Variants in KIF2A observed in about 807,000 individuals in gnomAD.
KIF2A encodes kinesin family member 2A.
In KIF2A, 22 loss-of-function variants were observed where a neutral mutation model predicts 100.2. The observed-to-expected ratio is 0.22, with a 90% CI of 0.16 to 0.31. The LOEUF (loss-of-function observed/expected upper bound fraction) is 0.31. Ranked by LOEUF, KIF2A falls within the 10% of genes least tolerant of loss-of-function variation. The pLI, the probability that KIF2A is intolerant of heterozygous loss-of-function variation, is 1.00. For missense variants in KIF2A, 495 were observed against 898.7 expected (o/e 0.55, Z 5.74); for synonymous variants, 268 against 285.9 (o/e 0.94, Z 0.63).
At chr5:62,378,181 G>A (rs1342565874) in intron 19 of KIF2A, among the ~76,000 whole-genome samples, 1 of 152,202 alleles carries the variant, frequency 6.6e-6, no homozygotes, top group African/African-American at 2.4e-5. Flanking sequence ...GAGATGGAGA[G>A]TTACTGCTCT....
Position 62,372,496 on chromosome 5 carries a change from C to T in KIF2A, c.1705C>T (p.Arg569Cys), listed in dbSNP as rs969295324. The T allele has an allele frequency of 3.1e-6, 5 of 1,612,968 alleles. No individual in the cohort carries two copies. The highest frequency in any genetic ancestry group is 2.2e-5 in the East Asian group (1 of 44,862). ...TCCCTTCTCACAGGGTAGTGGCAGTCGCCCTGATCTCTCTCCTTCTTATGA... is the reference window on the plus strand; with the variant it reads ...TCCCTTCTCACAGGGTAGTGGCAGTTGCCCTGATCTCTCTCCTTCTTATGA... The part of the protein sequence containing the change: ...DIPFSQGSGS[R>C]PDLSPSYEYD... The change falls in exon 17 of 21, where the codon CGC becomes TGC. Residue 569 changes from arginine to cysteine, a missense_variant. Physicochemically the swap from Arg to Cys is radical, Grantham distance 180 (BLOSUM62 -3). This residue lies in a region of KIF2A where 100 missense variants were observed against 138.2 expected (regional missense o/e 0.72). Coordinates refer to ENST00000407818, the MANE Select transcript of KIF2A (RefSeq NM_001098511.3).
chr5:62,314,108 A>T (rs564679212), intron 1 of KIF2A, among the ~76,000 whole-genome samples: 12 of 152,112 alleles, frequency 7.9e-5, no homozygotes, highest in Non-Finnish European at 1.0e-4. Flanking sequence ...ATTCAATTTA[A>T]AGTTTTTGGC....
At chr5:62,355,311 G>T in intron 7 of KIF2A, 57 bp downstream of exon 7, 1 of 861,544 alleles carries the variant, frequency 1.2e-6, no homozygotes, top group South Asian at 1.5e-5. Flanking sequence ...ATAAAAACGT[G>T]TTTGACACTT....
At chr5:62,353,548 A>G (rs1747957512) in intron 6 of KIF2A, among the ~76,000 whole-genome samples, 173 bp downstream of exon 6, 1 of 152,150 alleles carries the variant, frequency 6.6e-6, no homozygotes, top group Non-Finnish European at 1.5e-5. Flanking sequence ...AGTTACCGTA[A>G]CACATTTTTA....
At chr5:62,352,122 C>T (rs1747883757) in intron 4 of KIF2A, among the ~76,000 whole-genome samples, 1 of 142,074 alleles carries the variant, frequency 7.0e-6, no homozygotes, top group Admixed American at 7.3e-5. Context: ...CACTGCACTC[C>T]AACCTGGGCA....
At chr5:62,352,900 A>G in intron 5 of KIF2A, 190 bp downstream of exon 5, 1 of 476,354 alleles carries the variant, frequency 2.1e-6, no homozygotes, top group Non-Finnish European at 3.6e-6. Context: ...TATATTTTGG[A>G]GCAAAAATTT....
At chr5:62,331,714 A>G (rs1246271068) in intron 1 of KIF2A, among the ~76,000 whole-genome samples, 1 of 149,830 alleles carries the variant, frequency 6.7e-6, no homozygotes, top group African/African-American at 2.4e-5. Context: ...TGCCATATGT[A>G]TGGTCATATA....
chr5:62,383,999 G>A (rs930571949), intron 20 of KIF2A, among the ~76,000 whole-genome samples: 1 of 152,158 alleles, frequency 6.6e-6, no homozygotes, highest in Non-Finnish European at 1.5e-5. Flanking sequence ...CACTTTGGGA[G>A]GCTGAGGCAG....
intron 1 of KIF2A, among the ~76,000 whole-genome samples, chr5:62,323,770 G>C (rs978213889): frequency 3.3e-5 from 5 of 152,024 alleles, no homozygotes; most frequent in African/African-American, 1.2e-4. Context: ...GGGTACAGTG[G>C]CTCATGCCTG....
intron 20 of KIF2A, among the ~76,000 whole-genome samples, chr5:62,383,115 C>T (rs1741855015): frequency 6.6e-6 from 1 of 150,874 alleles, no homozygotes; most frequent in Admixed American, 6.6e-5. Context: ...TTAGTAGAGA[C>T]CGGGTTTCAC....
intron 1 of KIF2A, chr5:62,311,696 T>C (rs1315512583): frequency 6.6e-6 from 1 of 152,270 alleles, no homozygotes; most frequent in Non-Finnish European, 1.5e-5. Flanking sequence ...ACAGTTGTTC[T>C]TTAGGTACAA....
At position 62,365,311 on chromosome 5, in the gene KIF2A, G is replaced by A. The variant is rs150906089; in HGVS notation, c.1536G>A (p.Val512=). The A allele has an allele frequency of 1.6e-4, 255 of 1,607,252 alleles. No homozygotes were observed. Among genetic ancestry groups the A allele is most frequent in the South Asian group, 5.3e-4 (48 of 90,122 alleles). Residue 512 remains valine, a synonymous_variant, in exon 15 of 21, where the codon GTG becomes GTA. Coordinates refer to ENST00000407818, the MANE Select transcript of KIF2A (RefSeq NM_001098511.3). Reference sequence around the variant, plus strand: ...TCCGTGCAAGTAAACTCACTCAGGTGTTAAGAGATTCTTTCATAGGTGAAA... The same window carrying A: ...TCCGTGCAAGTAAACTCACTCAGGTATTAAGAGATTCTTTCATAGGTGAAA... ...TPFRASKLTQ[V]LRDSFIGENS...
Position 62,386,508 on chromosome 5 carries a change from C to T in KIF2A, c.*939C>T, listed in dbSNP as rs1742031075. Reference sequence around the variant, plus strand: ...ACTTAATTTGAAGTGTTCATTAGCACCCCAAAATATACCTTTTCTATGTAC... The same window carrying T: ...ACTTAATTTGAAGTGTTCATTAGCATCCCAAAATATACCTTTTCTATGTAC... On this transcript the variant is annotated 3_prime_UTR_variant, in exon 21 of 21. Coordinates refer to ENST00000407818, the MANE Select transcript of KIF2A (RefSeq NM_001098511.3). 6.6e-6 allele frequency: 1 copy of T among 152,162 alleles called. No individual in the cohort carries two copies. Among genetic ancestry groups the T allele is most frequent in the Non-Finnish European group, 1.5e-5 (1 of 68,038 alleles). 9.4% of individuals were successfully genotyped at this position (152,162 alleles called of 1,614,324 possible). A position where few individuals can be genotyped will look rare whatever the true frequency, so the allele number is the denominator to read the frequency against.
intron 15 of KIF2A, among the ~76,000 whole-genome samples, chr5:62,365,949 T>G (rs979184688): frequency 1.3e-4 from 20 of 152,166 alleles, no homozygotes; most frequent in African/African-American, 4.6e-4. Flanking sequence ...CCACACTCTC[T>G]GCAGCACTTT....
At chr5:62,324,547 A>G (rs1746266828) in intron 1 of KIF2A, among the ~76,000 whole-genome samples, 1 of 152,246 alleles carries the variant, frequency 6.6e-6, no homozygotes, top group African/African-American at 2.4e-5. Flanking sequence ...GAACCCAGAA[A>G]TAAAGCCACA....
At chr5:62,348,283 C>A in intron 3 of KIF2A, 116 bp downstream of exon 3, 1 of 1,018,362 alleles carries the variant, frequency 9.8e-7, no homozygotes, top group Non-Finnish European at 1.4e-6. Flanking sequence ...GATTAATTTG[C>A]TTTTTCTGCC....
rs114437064 is a variant in KIF2A, at chr5:62,355,143, C to G, written c.559-16C>G. The G allele has an allele frequency of 1.5e-3, 1,673 of 1,133,214 alleles. 16 individuals are homozygous for G. In the African/African-American group the frequency reaches 0.023, roughly 16 times the overall value. The allele number at this position is 1,133,214 out of a possible 1,614,324, so 70.2% of individuals were successfully genotyped here. Reference sequence around the variant, plus strand: ...TATTATATTTATAATGGTGAATTCTCTCTGTCTTCTAATAGGACGTTGATG... The same window carrying G: ...TATTATATTTATAATGGTGAATTCTGTCTGTCTTCTAATAGGACGTTGATG... On this transcript the variant is annotated splice_polypyrimidine_tract_variant and intron_variant, in intron 6 of 20. Transcript: ENST00000407818.
intron 18 of KIF2A, among the ~76,000 whole-genome samples, chr5:62,376,852 G>A (rs2111994413): frequency 6.6e-6 from 1 of 152,206 alleles, no homozygotes; most frequent in East Asian, 1.9e-4. Flanking sequence ...TTGTCCCTCA[G>A]TTATACATGG....
intron 9 of KIF2A, among the ~76,000 whole-genome samples, 181 bp downstream of exon 9, chr5:62,358,480 C>T (rs1370765367): frequency 1.3e-5 from 2 of 152,068 alleles, no homozygotes; most frequent in African/African-American, 4.8e-5. Context: ...CTCTGTAATG[C>T]TCCCCAAAAT....
Sources: allele counts gnomAD v4.1 joint callset (sites outside exome capture counted in the v4.1 genomes callset), GRCh38; gene constraint gnomAD v4.1.1; regional missense constraint gnomAD v4.1.1; transcripts MANE v1.5; gene names NCBI Gene and HGNC (gene_info 2026-07-23, HGNC 2026-07-21).